SPIRE1: variants seen among roughly 807,000 people sequenced by gnomAD.
SPIRE1 encodes spire type actin nucleation factor 1, also known as protein spire homolog 1.
Under a neutral mutation model 94.1 loss-of-function variants are expected in SPIRE1, and 40 were observed. That is an observed-to-expected ratio of 0.43 (90% CI 0.33 to 0.55). The LOEUF (loss-of-function observed/expected upper bound fraction) is 0.55, where lower values mean the gene tolerates loss of function less well. SPIRE1 is among the 20% of genes least tolerant of loss of function. The pLI, the probability that SPIRE1 is intolerant of heterozygous loss-of-function variation, is 0.06. For missense variants in SPIRE1, 838 were observed against 975.2 expected (o/e 0.86, Z 1.87); for synonymous variants, 376 against 371.7 (o/e 1.01, Z -0.13).
In SPIRE1 at chr18:12,580,787, C is replaced by T. The variant is rs144275139; in HGVS notation, c.373-33883G>A. 1.1e-3 allele frequency among the ~76,000 whole-genome samples: 172 copies of T among 152,236 alleles called. 1 individual carries two copies. Among genetic ancestry groups the T allele is most frequent in the East Asian group, 6.7e-3 (35 of 5,186 alleles). On this transcript the variant is annotated intron_variant, in intron 2 of 16. Coordinates refer to ENST00000409402, the MANE Select transcript of SPIRE1 (RefSeq NM_001128626.2). ...TTCAAGGCCCAGGCATGGTGGCTCA[C>T]GCCTGTAATTCCAACACTTGGGAGG... is the stretch of plus-strand genomic sequence containing the variant.
At chr18:12,511,170 A>T (rs917711609) in intron 5 of SPIRE1, among the ~76,000 whole-genome samples, 1 of 152,216 alleles carries the variant, frequency 6.6e-6, no homozygotes, top group African/African-American at 2.4e-5. Context: ...CTGAAAACAT[A>T]GCTTAAACTT....
chr18:12,641,135 C>T lies in SPIRE1; in HGVS notation c.338-6039G>A, dbSNP rs188904659. ...TGTTAATGGATTGACAAACAACATC[C>T]TGAACATGCTCCATGTTTTCAAGAA... On this transcript the variant is annotated intron_variant, in intron 1 of 16. Transcript: ENST00000409402. Among the ~76,000 whole-genome samples the T allele has an allele frequency of 1.5e-4, 23 of 152,232 alleles. No homozygotes were observed. In the East Asian group the frequency reaches 4.3e-3, roughly 28 times the overall value.
chr18:12,502,983 C>T (rs1164452596), intron 6 of SPIRE1, among the ~76,000 whole-genome samples: 3 of 152,018 alleles, frequency 2.0e-5, no homozygotes, highest in Admixed American at 2.0e-4. Context: ...GTGGCAGGCA[C>T]CTGTAATCCC....
chr18:12,645,707 G>A (rs1180049784), intron 1 of SPIRE1, among the ~76,000 whole-genome samples: 3 of 152,020 alleles, frequency 2.0e-5, no homozygotes, highest in Non-Finnish European at 4.4e-5. Flanking sequence ...CATCTACAAA[G>A]CCCCTACATT....
At chr18:12,648,130 C>T (rs1275454702) in intron 1 of SPIRE1, among the ~76,000 whole-genome samples, 1 of 152,164 alleles carries the variant, frequency 6.6e-6, no homozygotes, top group Non-Finnish European at 1.5e-5. Flanking sequence ...AAATCTTCTT[C>T]ACAGAATTCA....
chr18:12,603,852 C>G (rs1207302091), intron 2 of SPIRE1, among the ~76,000 whole-genome samples: 2 of 152,146 alleles, frequency 1.3e-5, no homozygotes, highest in African/African-American at 4.8e-5. Context: ...GGATTACAGG[C>G]ATGAGCCACA....
intron 1 of SPIRE1, among the ~76,000 whole-genome samples, chr18:12,655,026 C>CA (rs71371285): frequency 0.36 from 49,609 of 137,440 alleles, 9,495 homozygotes; most frequent in Non-Finnish European, 0.46. Context: ...GACTCCATCT[C>CA]AAAAAAAAAA....
At chr18:12,579,405 G>C (rs2036200213) in intron 2 of SPIRE1, among the ~76,000 whole-genome samples, 1 of 152,184 alleles carries the variant, frequency 6.6e-6, no homozygotes, top group Non-Finnish European at 1.5e-5. Flanking sequence ...ATTATTATAT[G>C]ATTCCACTTA....
At chr18:12,482,008 T>C (rs981256799) in intron 9 of SPIRE1, among the ~76,000 whole-genome samples, 2 of 152,104 alleles carry the variant, frequency 1.3e-5, no homozygotes, top group Non-Finnish European at 2.9e-5. Flanking sequence ...ATTACTATAA[T>C]TGGAGTTATC....
intron 14 of SPIRE1, 59 bp downstream of exon 14, chr18:12,453,009 A>C: frequency 9.2e-7 from 1 of 1,087,778 alleles, no homozygotes; most frequent in Non-Finnish European, 1.3e-6. Context: ...AAGGAAGATA[A>C]TTGGTATTTC....
At position 12,511,824 on chromosome 18, in the gene SPIRE1, G is replaced by A. The variant is rs112398515; in HGVS notation, c.807+630C>T. Among the ~76,000 whole-genome samples, 342 of 152,054 alleles carry A rather than the reference G, an allele frequency of 2.2e-3. 2 individuals carry two copies. Among genetic ancestry groups the A allele is most frequent in the African/African-American group, 7.7e-3 (320 of 41,476 alleles). ...ACTGCAGCCTCAACCTCCTGGGCTC[G>A]TGTGATCCTTCTAACTCAGCCTCCC... On this transcript the variant is annotated intron_variant, in intron 5 of 16. Coordinates refer to ENST00000409402, the MANE Select transcript of SPIRE1 (RefSeq NM_001128626.2).
At chr18:12,658,187 G>A (rs2038617030), upstream of SPIRE1, 1 of 745,208 alleles carries the variant, frequency 1.3e-6, no homozygotes, top group Non-Finnish European at 1.9e-6. Flanking sequence ...GCACGGGCCG[G>A]GGGATGCACG....
chr18:12,562,806 A>ATG (rs2035725019), intron 2 of SPIRE1, among the ~76,000 whole-genome samples: 1 of 152,110 alleles, frequency 6.6e-6, no homozygotes, highest in Admixed American at 6.5e-5. Context: ...CACTACACAT[A>ATG]GCCTATAGTA....
chr18:12,623,606 AAGAC>A (rs1410372075), intron 2 of SPIRE1, among the ~76,000 whole-genome samples: 1 of 152,132 alleles, frequency 6.6e-6, no homozygotes, highest in Non-Finnish European at 1.5e-5. Flanking sequence ...ATTTTTCACT[AAGAC>A]AGACTGATAA....
intron 2 of SPIRE1, among the ~76,000 whole-genome samples, chr18:12,593,724 C>T (rs1339664397): frequency 2.0e-5 from 3 of 151,798 alleles, no homozygotes; most frequent in East Asian, 1.9e-4. Flanking sequence ...CCGAGGCGGG[C>T]GGATCACCTG....
intron 12 of SPIRE1, among the ~76,000 whole-genome samples, chr18:12,460,410 A>C (rs559796152): frequency 1.3e-3 from 202 of 152,364 alleles, no homozygotes; most frequent in Non-Finnish European, 2.4e-3. Flanking sequence ...GGAGGGAGAT[A>C]CAACAAAAAT....
At chr18:12,569,644 A>C (rs546244470) in intron 2 of SPIRE1, among the ~76,000 whole-genome samples, 1 of 151,818 alleles carries the variant, frequency 6.6e-6, no homozygotes, top group East Asian at 1.9e-4. Context: ...AACAAAAAAA[A>C]AAAACAAGAG....
chr18:12,477,182 A>ACCTC (rs2032637711), intron 10 of SPIRE1, among the ~76,000 whole-genome samples: 1 of 152,104 alleles, frequency 6.6e-6, no homozygotes. Context: ...AGGTGATGAA[A>ACCTC]GAGGACTAGA....
Position 12,657,732 on chromosome 18 carries a change from G to T in SPIRE1, c.135C>A (p.Ile45=), listed in dbSNP as rs777939259. The part of the protein sequence containing the change: ...GSRDALSLEE[I]LRLYNQPINE... Reference sequence around the variant, plus strand: ...TGATGGGCTGGTTGTACAGCCGCAGGATCTCCTCCAGGCTCAGCGCGTCCC... The same window carrying T: ...TGATGGGCTGGTTGTACAGCCGCAGTATCTCCTCCAGGCTCAGCGCGTCCC... The change falls in exon 1 of 17, where the codon ATC becomes ATA. Residue 45 remains isoleucine (I), a synonymous_variant. Coordinates refer to ENST00000409402, the MANE Select transcript of SPIRE1 (RefSeq NM_001128626.2). 7.1e-7 allele frequency: 1 copy of T among 1,402,210 alleles called. No homozygotes were observed. The highest frequency in any genetic ancestry group is 1.5e-5 in the South Asian group (1 of 68,674). The allele number at this position is 1,402,210 out of a possible 1,614,324, so 86.9% of individuals were successfully genotyped here.
Sources: allele counts gnomAD v4.1 joint callset (sites outside exome capture counted in the v4.1 genomes callset), GRCh38; gene constraint gnomAD v4.1.1; transcripts MANE v1.5; gene names NCBI Gene and HGNC (gene_info 2026-07-23, HGNC 2026-07-21).